CERS3: variants seen among roughly 807,000 people sequenced by gnomAD.
CERS3 encodes the protein LAG1 homolog, ceramide synthase 3.
CERS3 carries 33 observed loss-of-function variants against 50.3 expected under a neutral mutation model. That is an observed-to-expected ratio of 0.66 (90% CI 0.50 to 0.88). The LOEUF is 0.88. Among genes scored for constraint, CERS3 ranks in the 40% least tolerant of loss-of-function variants. The probability of loss-of-function intolerance (pLI) is 0.00; values close to 1 mark genes in which losing one functional copy is unlikely to be tolerated. For missense variants in CERS3, 470 were observed against 460.3 expected, an observed-to-expected ratio of 1.02 and a Z score of -0.19; for synonymous variants, 176 against 155.2, an observed-to-expected ratio of 1.13 and a Z score of -0.99.
Position 100,437,094 on chromosome 15 carries a change from C to T in CERS3, c.999+18799G>A, listed in dbSNP as rs552615422. 9.2e-5 allele frequency among the ~76,000 whole-genome samples: 14 copies of T among 152,142 alleles called. No individual in the cohort carries two copies. The South Asian group carries it at 2.7e-3, about 29-fold the overall frequency. ...GAGAAGCTGGGACTACAGGTGCGCTCCACCATGCCCGGCTAATTTTTTTTG... is the reference window on the plus strand; with the variant it reads ...GAGAAGCTGGGACTACAGGTGCGCTTCACCATGCCCGGCTAATTTTTTTTG... On this transcript the variant is annotated intron_variant, in intron 11 of 11. Coordinates refer to ENST00000679737, the MANE Select transcript of CERS3 (RefSeq NM_001378789.1).
At chr15:100,529,973 T>A (rs1381004429), upstream of CERS3, among the ~76,000 whole-genome samples, 1 of 152,254 alleles carries the variant, frequency 6.6e-6, no homozygotes, top group African/African-American at 2.4e-5. Context: ...ATTTCACTAA[T>A]GAATTTAGTT....
At chr15:100,542,572 C>T (rs2037226459) in intron 1 of CERS3, among the ~76,000 whole-genome samples, 1 of 152,112 alleles carries the variant, frequency 6.6e-6, no homozygotes, top group Non-Finnish European at 1.5e-5. Context: ...AAATATAAAA[C>T]ATGGAGCTAA....
chr15:100,528,888 A>T lies in CERS3; in HGVS notation c.-167T>A, dbSNP rs1205158328. 6.6e-6 allele frequency: 1 copy of T among 152,098 alleles called. No individual in the cohort carries two copies. The highest frequency in any genetic ancestry group is 6.6e-5 in the Admixed American group (1 of 15,264). 9.4% of individuals were successfully genotyped at this position (152,098 alleles called of 1,614,324 possible). A position where few individuals can be genotyped will look rare whatever the true frequency, so the allele number is the denominator to read the frequency against. ...TCAGAGAGCAGCTTCCAACGTTCCA[A>T]CCAGCTTCGTTCTCCTCAGAGAGCA... On this transcript the variant is annotated 5_prime_UTR_variant, in exon 1 of 12. In the 5' UTR this introduces an upstream ATG that the reference lacks. Coordinates refer to ENST00000679737, the MANE Select transcript of CERS3 (RefSeq NM_001378789.1).
chr15:100,507,308 A>T (rs2036213995), intron 2 of CERS3, among the ~76,000 whole-genome samples: 1 of 152,192 alleles, frequency 6.6e-6, no homozygotes, highest in African/African-American at 2.4e-5. Flanking sequence ...AGACTCCATA[A>T]GCCAATATTT....
At chr15:100,487,689 G>A (rs2035529143) in intron 4 of CERS3, among the ~76,000 whole-genome samples, 1 of 152,170 alleles carries the variant, frequency 6.6e-6, no homozygotes, top group Non-Finnish European at 1.5e-5. Context: ...GACTGAAAAG[G>A]GAACCCTCTG....
At chr15:100,531,553 A>G (rs900012740), upstream of CERS3, among the ~76,000 whole-genome samples, 7 of 152,224 alleles carry the variant, frequency 4.6e-5, no homozygotes, top group African/African-American at 1.7e-4. Flanking sequence ...TGTGGAGTTG[A>G]AAACAAAGCA....
chr15:100,503,380 G>T (rs2036068305), intron 2 of CERS3, among the ~76,000 whole-genome samples: 1 of 152,162 alleles, frequency 6.6e-6, no homozygotes, highest in African/African-American at 2.4e-5. Context: ...GAATACTTTG[G>T]ACAATAAATC....
chr15:100,403,377 C>A (rs748589869), intron 11 of CERS3, among the ~76,000 whole-genome samples: 45 of 151,744 alleles, frequency 3.0e-4, no homozygotes, highest in African/African-American at 7.3e-5. Context: ...CAAATAAACC[C>A]AAGGCAAGCA....
At chr15:100,421,618 A>G (rs986978924) in intron 11 of CERS3, among the ~76,000 whole-genome samples, 3 of 149,538 alleles carry the variant, frequency 2.0e-5, no homozygotes, top group Non-Finnish European at 3.0e-5. Context: ...AAGAGCCCGC[A>G]TCGCCAAGTC....
intron 11 of CERS3, among the ~76,000 whole-genome samples, chr15:100,445,541 A>C (rs1474031245): frequency 1.3e-5 from 2 of 152,080 alleles, no homozygotes; most frequent in Non-Finnish European, 2.9e-5. Flanking sequence ...ATTCATACAA[A>C]ACTGTATCCA....
At chr15:100,510,289 A>AG (rs1419614393) in intron 2 of CERS3, among the ~76,000 whole-genome samples, 4 of 152,080 alleles carry the variant, frequency 2.6e-5, no homozygotes, top group Non-Finnish European at 5.9e-5. Context: ...GAAGAGAGAG[A>AG]AAAAAAAGAA....
At chr15:100,404,742 T>A (rs1429356948) in intron 11 of CERS3, among the ~76,000 whole-genome samples, 1 of 152,166 alleles carries the variant, frequency 6.6e-6, no homozygotes, top group Non-Finnish European at 1.5e-5. Flanking sequence ...GTTACAGTAA[T>A]CCAGACAGGG....
intron 2 of CERS3, among the ~76,000 whole-genome samples, chr15:100,508,176 T>TC (rs2036237276): frequency 2.0e-4 from 1 of 5,068 alleles, no homozygotes; most frequent in Non-Finnish European, 7.8e-3. Context: ...TGTCAGTTTC[T>TC]CCCCGTTTAG....
intron 7 of CERS3, among the ~76,000 whole-genome samples, chr15:100,477,411 C>T (rs2035164391): frequency 6.6e-6 from 1 of 151,824 alleles, no homozygotes; most frequent in Admixed American, 6.6e-5. Flanking sequence ...TCTTCTATGA[C>T]AGGACTATAT....
chr15:100,505,961 C>A (rs2036164469), intron 2 of CERS3, among the ~76,000 whole-genome samples: 1 of 152,176 alleles, frequency 6.6e-6, no homozygotes. Context: ...TTTCAGTGAG[C>A]CAAAATGGGG....
At chr15:100,482,389 G>A (rs1246270796) in intron 5 of CERS3, among the ~76,000 whole-genome samples, 1 of 152,134 alleles carries the variant, frequency 6.6e-6, no homozygotes, top group Non-Finnish European at 1.5e-5. Flanking sequence ...GGCCAGATGG[G>A]AGGCCTGTGG....
At chr15:100,521,319 G>C (rs2036633237) in intron 2 of CERS3, among the ~76,000 whole-genome samples, 1 of 152,172 alleles carries the variant, frequency 6.6e-6, no homozygotes, top group African/African-American at 2.4e-5. Flanking sequence ...GGAAGCTAGA[G>C]ACCTGCCCAG....
intron 9 of CERS3, 93 bp from the exon 10 acceptor site, chr15:100,469,577 GCTTC>G: frequency 1.1e-6 from 1 of 873,976 alleles, no homozygotes; most frequent in African/African-American, 1.7e-5. Flanking sequence ...TCTGGGATTT[GCTTC>G]AAAACAATCT....
intron 1 of CERS3, chr15:100,544,552 GGGCGCGGTCGGGCAGCCCC>G: frequency 2.0e-5 from 3 of 149,902 alleles, no homozygotes; most frequent in Non-Finnish European, 4.5e-5. Context: ...CACCTGCGGG[GGGCGCGGTCGGGCAGCCCC>G]ACACACCGCG....
Sources: gnomAD v4.1 joint callset for allele counts (sites outside exome capture counted in the v4.1 genomes callset) on GRCh38, gnomAD v4.1.1 for gene constraint, MANE v1.5 for transcripts, NCBI Gene and HGNC (gene_info 2026-07-23, HGNC 2026-07-21) for gene names.